Variants in KIAA1217 observed in about 807,000 individuals in gnomAD.
KIAA1217 encodes the protein KIAA1217.
In KIAA1217, 88 loss-of-function variants were observed where a neutral mutation model predicts 163.9. The observed-to-expected ratio is 0.54, with a 90% confidence interval of 0.45 to 0.64. KIAA1217 has a LOEUF of 0.64. KIAA1217 is among the 30% of genes least tolerant of loss of function. The pLI, the probability that KIAA1217 is intolerant of heterozygous loss-of-function variation, is 0.00. For synonymous variants in KIAA1217, 903 were observed against 923.1 expected, an observed-to-expected ratio of 0.98 and a Z score of 0.39; for missense variants, 2,372 against 2,475.0, an observed-to-expected ratio of 0.96 and a Z score of 0.88.
At chr10:23,929,846 G>A (rs1166556279) in intron 1 of KIAA1217, among the ~76,000 whole-genome samples, 1 of 152,154 alleles carries the variant, frequency 6.6e-6, no homozygotes, top group Admixed American at 6.5e-5. Context: ...GGGTCAGATG[G>A]TAGTTCTGTT....
At chr10:23,998,320 A>G (rs1033494403) in intron 1 of KIAA1217, among the ~76,000 whole-genome samples, 3 of 152,296 alleles carry the variant, frequency 2.0e-5, no homozygotes, top group East Asian at 1.9e-4. Context: ...TCAAACCTCA[A>G]TGCAGAAAAG....
At chr10:24,342,221 T>C (rs1591136217) in intron 2 of KIAA1217, among the ~76,000 whole-genome samples, 1 of 152,226 alleles carries the variant, frequency 6.6e-6, no homozygotes, top group East Asian at 1.9e-4. Context: ...AACAAATCAT[T>C]GTCATTTAAG....
intron 1 of KIAA1217, among the ~76,000 whole-genome samples, chr10:23,817,986 T>C (rs1222365763): frequency 1.1e-4 from 14 of 123,774 alleles, no homozygotes; most frequent in East Asian, 4.4e-4. Context: ...TATATATATA[T>C]ATATATATAT....
chr10:24,001,788 T>C (rs1281701340), intron 1 of KIAA1217, among the ~76,000 whole-genome samples: 1 of 152,050 alleles, frequency 6.6e-6, no homozygotes, highest in Non-Finnish European at 1.5e-5. Context: ...GAGCATCTCA[T>C]CTGGAGGGCA....
intron 1 of KIAA1217, among the ~76,000 whole-genome samples, chr10:23,923,110 C>T (rs967925587): frequency 2.0e-5 from 3 of 152,056 alleles, no homozygotes; most frequent in Non-Finnish European, 4.4e-5. Flanking sequence ...GCCTTCCCCC[C>T]GAGTCCCCAA....
Position 23,695,401 on chromosome 10 carries a change from G to A in KIAA1217, c.-321+167G>A, listed in dbSNP as rs1033508068. On this transcript the variant is annotated intron_variant, in intron 1 of 18. Transcript: ENST00000376462. This position sits in a 1 kb window ranked among gnomAD's most constrained non-coding sequence, Gnocchi z 4.9. Reference sequence around the variant, plus strand: ...AGAGGGCAAGGACCCCCCCAGGAGGGCCAGGCCGGGAGGGGTCCCGGTGCG... The same window carrying A: ...AGAGGGCAAGGACCCCCCCAGGAGGACCAGGCCGGGAGGGGTCCCGGTGCG... Among the ~76,000 whole-genome samples the A allele has an allele frequency of 1.3e-5, 2 of 152,284 alleles. No individual in the cohort carries two copies. The highest frequency in any genetic ancestry group is 1.3e-4 in the Admixed American group (2 of 15,306).
At chr10:24,173,578 A>G (rs1320182743) in intron 2 of KIAA1217, among the ~76,000 whole-genome samples, 1 of 152,188 alleles carries the variant, frequency 6.6e-6, no homozygotes, top group East Asian at 1.9e-4. Context: ...TACAGAATCT[A>G]AGACTTCCAG....
chr10:24,529,121 C>T (rs1172730274), intron 14 of KIAA1217, among the ~76,000 whole-genome samples: 3 of 152,232 alleles, frequency 2.0e-5, no homozygotes, highest in South Asian at 2.1e-4. Context: ...AAGGAATCCC[C>T]ATCTTGACTT....
intron 2 of KIAA1217, among the ~76,000 whole-genome samples, chr10:24,138,875 T>A (rs2063939824): frequency 6.6e-6 from 1 of 152,172 alleles, no homozygotes; most frequent in Non-Finnish European, 1.5e-5. Flanking sequence ...ATTTTATCAC[T>A]TTTTAAAGCT....
chr10:23,742,831 A>G (rs778409085), intron 1 of KIAA1217, among the ~76,000 whole-genome samples: 1 of 152,214 alleles, frequency 6.6e-6, no homozygotes, highest in Non-Finnish European at 1.5e-5. Context: ...GGTACAATGA[A>G]GACTGAGAAA....
intron 5 of KIAA1217, among the ~76,000 whole-genome samples, chr10:24,453,372 A>G (rs2061529827): frequency 1.3e-5 from 2 of 152,210 alleles, no homozygotes; most frequent in African/African-American, 2.4e-5. Context: ...TTATCTTACT[A>G]AAAGAGAACC....
At chr10:23,944,385 C>T (rs562670868) in intron 1 of KIAA1217, among the ~76,000 whole-genome samples, 10 of 152,106 alleles carry the variant, frequency 6.6e-5, no homozygotes, top group African/African-American at 9.6e-5. Context: ...GATGGCACCA[C>T]TGCATTCCAG....
intron 1 of KIAA1217, among the ~76,000 whole-genome samples, chr10:23,713,356 A>G (rs1837379548): frequency 6.6e-6 from 1 of 152,124 alleles, no homozygotes. Flanking sequence ...GTTACTAATC[A>G]TTTCAGTTTT....
rs1205362067 is a variant in KIAA1217, at chr10:24,411,246, A to C, written c.554-21749A>C. The stretch of plus-strand genomic sequence containing the variant: ...TTTAATTTACTGCTGTGTGTGACTG[A>C]GTTCCTACTTAATATTCATTGACAC... On this transcript the variant is annotated intron_variant, in intron 3 of 20. Transcript: ENST00000376454. Among the ~76,000 whole-genome samples, 5 of 152,180 alleles carry C rather than the reference A, an allele frequency of 3.3e-5. No homozygotes were observed. The East Asian group carries it at 9.6e-4, about 29-fold the overall frequency.
chr10:24,171,116 TTCAC>T (rs996809230), intron 2 of KIAA1217, among the ~76,000 whole-genome samples: 4 of 152,244 alleles, frequency 2.6e-5, no homozygotes, highest in African/African-American at 9.6e-5. Flanking sequence ...AAGCACTTCA[TTCAC>T]TCAAAGACAT....
rs576160840 is a variant in KIAA1217, at chr10:24,353,550, C to T, written c.355-27319C>T. 1.1e-4 allele frequency among the ~76,000 whole-genome samples: 17 copies of T among 152,238 alleles called. 1 individual carries two copies. The South Asian group carries it at 3.1e-3, about 28-fold the overall frequency. On this transcript the variant is annotated intron_variant, in intron 2 of 20. Transcript: ENST00000376454. ...TGATCACTCATGAACTGCAGTTGTA[C>T]ACCAGCTCCAAAAGTTCCATATTTA...
chr10:24,281,536 C>T (rs1204886984), intron 2 of KIAA1217, among the ~76,000 whole-genome samples: 7 of 152,278 alleles, frequency 4.6e-5, no homozygotes, highest in African/African-American at 1.4e-4. Flanking sequence ...AGTTAGATTG[C>T]TTGGTAAGAT....
intron 2 of KIAA1217, among the ~76,000 whole-genome samples, chr10:24,122,766 T>A (rs2063330237): frequency 6.6e-6 from 1 of 152,114 alleles, no homozygotes; most frequent in Non-Finnish European, 1.5e-5. Context: ...TAATGCTTTT[T>A]TTGTTTACTT....
chr10:24,034,493 G>A (rs1359010411), intron 2 of KIAA1217, among the ~76,000 whole-genome samples: 2 of 150,736 alleles, frequency 1.3e-5, no homozygotes, highest in African/African-American at 2.4e-5. Flanking sequence ...AGCACAGGAG[G>A]TTGAGGCTGC....
Sources: gnomAD v4.1 joint callset for allele counts (sites outside exome capture counted in the v4.1 genomes callset) on GRCh38, gnomAD v4.1.1 for gene constraint, Gnocchi (gnomAD v3.1) non-coding constraint, MANE v1.5 for transcripts, NCBI Gene and HGNC (gene_info 2026-07-23, HGNC 2026-07-21) for gene names.